Variants in HOOK1 observed in about 807,000 individuals in gnomAD.
HOOK1 encodes hook microtubule tethering protein 1, also known as protein Hook homolog 1.
In HOOK1, 60 loss-of-function variants were observed where a neutral mutation model predicts 112.8. That is an observed-to-expected ratio of 0.53 (90% CI 0.43 to 0.66). The LOEUF is 0.66. Ranked by LOEUF, HOOK1 falls within the 30% of genes least tolerant of loss-of-function variation. HOOK1 has a pLI of 0.00. For synonymous variants in HOOK1, 294 were observed against 283.8 expected (o/e 1.04, Z -0.36); for missense variants, 770 against 856.0 (o/e 0.90, Z 1.25).
At chr1:59,858,190 T>C (rs577500457) in intron 12 of HOOK1, among the ~76,000 whole-genome samples, 1 of 152,344 alleles carries the variant, frequency 6.6e-6, no homozygotes, top group African/African-American at 2.4e-5. Flanking sequence ...ATCTGTCCTC[T>C]GTTACATAAT....
chr1:59,820,625 A>G (rs1263423925), intron 1 of HOOK1, among the ~76,000 whole-genome samples: 1 of 152,304 alleles, frequency 6.6e-6, no homozygotes, highest in South Asian at 2.1e-4. Flanking sequence ...TTCAGAAATC[A>G]TCTCCGAGAA....
In HOOK1 at chr1:59,840,389, C is replaced by G. The variant is rs775322928; in HGVS notation, c.619C>G (p.Gln207Glu). Reference sequence around the variant, plus strand: ...GCAAAGATGTGAAGAATTGGATATGCAGGTACGGGAAAAAACCCTGAGCTG... The same window carrying G: ...GCAAAGATGTGAAGAATTGGATATGGAGGTACGGGAAAAAACCCTGAGCTG... ...LRQRCEELDM[Q>E]VTTLQDEKNS... is the part of the protein sequence containing the mutation. The change falls in exon 8 of 22, where the codon CAG becomes GAG. Residue 207 changes from glutamine to glutamate, a missense_variant and splice_region_variant. Around this residue, in one of 3 missense-constraint regions of HOOK1, gnomAD observed 655 missense variants for 725.9 expected, o/e 0.90. Coordinates refer to ENST00000371208, the MANE Select transcript of HOOK1 (RefSeq NM_015888.6). The G allele has an allele frequency of 2.6e-6, 4 of 1,557,086 alleles. No homozygotes were observed. The highest frequency in any genetic ancestry group is 2.0e-5 in the Admixed American group (1 of 50,988).
intron 12 of HOOK1, among the ~76,000 whole-genome samples, chr1:59,854,001 A>AATATATATATATAT (rs71046347): frequency 5.1e-4 from 13 of 25,696 alleles, no homozygotes; most frequent in Admixed American, 1.9e-3. Context: ...ATTAATCTTA[A>AATATATATATATAT]ATATATATAT....
intron 2 of HOOK1, among the ~76,000 whole-genome samples, chr1:59,826,062 A>T (rs1259705631): frequency 1.3e-5 from 2 of 152,202 alleles, no homozygotes; most frequent in Non-Finnish European, 2.9e-5. Context: ...TGACACAACT[A>T]TATTGTTTAT....
At chr1:59,842,387 C>T (rs1038533984) in intron 8 of HOOK1, among the ~76,000 whole-genome samples, 3 of 152,072 alleles carry the variant, frequency 2.0e-5, no homozygotes, top group Admixed American at 6.6e-5. Context: ...ATAGTAGTCA[C>T]TAAACAGCTT....
intron 7 of HOOK1, among the ~76,000 whole-genome samples, chr1:59,839,167 C>T (rs937970586): frequency 2.6e-5 from 4 of 152,026 alleles, no homozygotes; most frequent in African/African-American, 9.7e-5. Context: ...CACACAATTG[C>T]CTTGGCTATG....
chr1:59,816,516 G>C (rs1057177587), intron 1 of HOOK1, among the ~76,000 whole-genome samples: 2 of 152,206 alleles, frequency 1.3e-5, no homozygotes, highest in African/African-American at 2.4e-5. Flanking sequence ...ATTGACTGAA[G>C]TGTTAAGCTT....
rs1479310376 is a variant in HOOK1 at position 59,836,889 on chromosome 1, T to C, written c.491T>C (p.Ile164Thr). The C allele has an allele frequency of 8.8e-6, 14 of 1,586,216 alleles. No individual in the cohort carries two copies. Among genetic ancestry groups the C allele is most frequent in the African/African-American group, 2.7e-5 (2 of 74,426 alleles). ...TAIQELMSKE[I>T]LSSPPNDAVG... ...ATTTCCTAGTTGATGAGTAAAGAAATATTGAGCTCTCCTCCAAATGATGCT... is the reference window on the plus strand; with the variant it reads ...ATTTCCTAGTTGATGAGTAAAGAAACATTGAGCTCTCCTCCAAATGATGCT... The change falls in exon 7 of 22, where the codon ATA becomes ACA. Residue 164 changes from isoleucine (I) to threonine (T), a missense_variant. Around this residue, in one of 3 missense-constraint regions of HOOK1, gnomAD observed 655 missense variants for 725.9 expected, o/e 0.90. Coordinates refer to ENST00000371208, the MANE Select transcript of HOOK1 (RefSeq NM_015888.6).
intron 3 of HOOK1, among the ~76,000 whole-genome samples, chr1:59,830,338 A>AT (rs1440699772): frequency 6.6e-6 from 1 of 151,784 alleles, no homozygotes; most frequent in Non-Finnish European, 1.5e-5. Context: ...TCTCCTTTGC[A>AT]TTTTTTTGCT....
chr1:59,831,004 G>T (rs2098393563), intron 3 of HOOK1, among the ~76,000 whole-genome samples: 1 of 151,382 alleles, frequency 6.6e-6, no homozygotes, highest in South Asian at 2.1e-4. Context: ...AGGTTCAAGC[G>T]ATTCTTCTGC....
intron 2 of HOOK1, 122 bp downstream of exon 2, chr1:59,822,065 A>T: frequency 2.7e-6 from 2 of 746,960 alleles, no homozygotes; most frequent in Non-Finnish European, 4.5e-6. Flanking sequence ...CATATTCAGG[A>T]ATATGGCACC....
At chr1:59,869,497 C>T (rs1226444721) in intron 20 of HOOK1, among the ~76,000 whole-genome samples, 1 of 152,116 alleles carries the variant, frequency 6.6e-6, no homozygotes, top group African/African-American at 2.4e-5. Flanking sequence ...TAGCTGTATT[C>T]AGTTTCTTTT....
intron 8 of HOOK1, among the ~76,000 whole-genome samples, chr1:59,842,162 C>T (rs2098401360): frequency 6.6e-6 from 1 of 151,510 alleles, no homozygotes; most frequent in South Asian, 2.1e-4. Context: ...GTTGTTTTTC[C>T]TCTGTCAGTC....
intron 7 of HOOK1, among the ~76,000 whole-genome samples, chr1:59,839,856 T>G (rs2098400067): frequency 6.6e-6 from 1 of 152,216 alleles, no homozygotes; most frequent in Non-Finnish European, 1.5e-5. Flanking sequence ...TATGTTTAGA[T>G]ACGTTCCATT....
At chr1:59,866,002 C>T (rs1643957473) in intron 19 of HOOK1, 30 bp downstream of exon 19, 1 of 1,227,182 alleles carries the variant, frequency 8.1e-7, no homozygotes, top group Non-Finnish European at 1.2e-6. Context: ...GAGCTCAAGA[C>T]TTTGTGGCCT....
At chr1:59,821,145 A>G (rs2098385286) in intron 1 of HOOK1, among the ~76,000 whole-genome samples, 1 of 152,228 alleles carries the variant, frequency 6.6e-6, no homozygotes, top group South Asian at 2.1e-4. Flanking sequence ...TTACCTTTCT[A>G]GAAAGTTTAT....
At chr1:59,847,292 A>G (rs908155969) in intron 10 of HOOK1, 107 bp downstream of exon 10, 106 of 945,986 alleles carry the variant, frequency 1.1e-4, no homozygotes, top group Non-Finnish European at 1.6e-4. Context: ...CTGTATATCA[A>G]GTATTGATCA....
intron 1 of HOOK1, 117 bp downstream of exon 1, chr1:59,815,297 C>A: frequency 1.1e-6 from 1 of 916,218 alleles, no homozygotes. Flanking sequence ...CGCACCCTGC[C>A]CTTCTCACCT....
chr1:59,875,404 G>A lies in HOOK1; in HGVS notation c.*2439G>A, dbSNP rs1243564179. The A allele has an allele frequency of 6.6e-6, 1 of 152,578 alleles. No homozygotes were observed. The highest frequency in any genetic ancestry group is 2.4e-5 in the African/African-American group (1 of 41,442). 9.5% of individuals were successfully genotyped at this position (152,578 alleles called of 1,614,324 possible). A position where few individuals can be genotyped will look rare whatever the true frequency, so the allele number is the denominator to read the frequency against. The stretch of plus-strand genomic sequence containing the variant: ...TAAGACTAATGTAATTTAAAGTTCT[G>A]TATTATTGTGATTAATCATACAGAA... On this transcript the variant is annotated 3_prime_UTR_variant, in exon 22 of 22. Transcript: ENST00000371208.
Sources: allele counts gnomAD v4.1 joint callset (sites outside exome capture counted in the v4.1 genomes callset), GRCh38; gene constraint gnomAD v4.1.1; regional missense constraint gnomAD v4.1.1; transcripts MANE v1.5; gene names NCBI Gene and HGNC (gene_info 2026-07-23, HGNC 2026-07-21).